The following STRN3 variants were observed in gnomAD, a reference collection of about 807,000 sequenced individuals.
The protein encoded by STRN3 is striatin-3.
A neutral mutation model predicts 95.6 loss-of-function variants in STRN3; 29 were observed. The observed-to-expected ratio is 0.30, with a 90% CI of 0.23 to 0.41. The LOEUF is 0.41. Among genes scored for constraint, STRN3 ranks in the 10% least tolerant of loss-of-function variants. The pLI is 1.00. For synonymous variants in STRN3, 331 were observed against 357.6 expected (o/e 0.93, Z 0.84); for missense variants, 890 against 972.1 (o/e 0.92, Z 1.12).
At chr14:30,969,651 T>C (rs1334250407) in intron 1 of STRN3, among the ~76,000 whole-genome samples, 1 of 152,160 alleles carries the variant, frequency 6.6e-6, no homozygotes, top group Non-Finnish European at 1.5e-5. Flanking sequence ...AAGTAGGTGC[T>C]AAAGGAAATT....
At chr14:30,951,896 T>C (rs187035267) in intron 3 of STRN3, among the ~76,000 whole-genome samples, 119 of 152,218 alleles carry the variant, frequency 7.8e-4, no homozygotes, top group Non-Finnish European at 1.5e-3. Context: ...GGTGGGCAGA[T>C]CACTTGAGCA....
intron 1 of STRN3, among the ~76,000 whole-genome samples, chr14:30,958,949 C>T (rs566795143): frequency 1.1e-4 from 16 of 152,084 alleles, no homozygotes; most frequent in Non-Finnish European, 2.4e-4. Flanking sequence ...CAAAGCGGTA[C>T]TGAACAGACG....
At chr14:30,987,654 T>A (rs1048390652) in intron 1 of STRN3, among the ~76,000 whole-genome samples, 1 of 152,102 alleles carries the variant, frequency 6.6e-6, no homozygotes, top group Non-Finnish European at 1.5e-5. Context: ...AATAAAATAA[T>A]CAATATTTGC....
At position 30,951,084 on chromosome 14, in the gene STRN3, T is replaced by C. The variant is rs552243963; in HGVS notation, c.461-140A>G. On this transcript the variant is annotated intron_variant, in intron 3 of 17. Coordinates refer to ENST00000357479, the MANE Select transcript of STRN3 (RefSeq NM_001083893.2). ...GAAAAAATTAACTTTCATCTAAGTA[T>C]TAACTGTGGGTCACTCATTTTAAAT... 2.5e-5 allele frequency: 17 copies of C among 678,162 alleles called. No homozygotes were observed. The East Asian group carries it at 4.4e-4, about 17-fold the overall frequency. The allele number at this position is 678,162 out of a possible 1,614,324, so 42.0% of individuals were successfully genotyped here. A position where few individuals can be genotyped will look rare whatever the true frequency, so the allele number is the denominator to read the frequency against.
In STRN3 at chr14:30,906,863, C is replaced by A; in HGVS notation, c.1888+14G>T. On this transcript the variant is annotated intron_variant, in intron 14 of 17. Coordinates refer to ENST00000357479, the MANE Select transcript of STRN3 (RefSeq NM_001083893.2). ...AAAAAACTAACTTTTCTCACAGATG[C>A]AAAATTTACTTACTTTTATCTCCAT... 1 of 1,593,296 alleles carries A rather than the reference C, an allele frequency of 6.3e-7. No individual in the cohort carries two copies. Among genetic ancestry groups the A allele is most frequent in the Non-Finnish European group, 8.5e-7 (1 of 1,171,480 alleles).
At chr14:31,006,971 G>C (rs992398934) in intron 1 of STRN3, among the ~76,000 whole-genome samples, 5 of 152,164 alleles carry the variant, frequency 3.3e-5, no homozygotes, top group African/African-American at 1.2e-4. Context: ...CTGGGCAACA[G>C]AGTGAGACCC....
intron 1 of STRN3, among the ~76,000 whole-genome samples, chr14:30,966,793 A>G (rs1880534246): frequency 6.6e-6 from 1 of 152,078 alleles, no homozygotes; most frequent in Admixed American, 6.6e-5. Context: ...TTCCATAGCT[A>G]CCTCATATGG....
At chr14:30,928,400 A>AG (rs34222469) in intron 8 of STRN3, among the ~76,000 whole-genome samples, 29,742 of 152,128 alleles carry the variant, frequency 0.2, 3,470 homozygotes, top group Middle Eastern at 0.28. Context: ...TTAGACAAGC[A>AG]GGGGTCACTG....
intron 1 of STRN3, among the ~76,000 whole-genome samples, chr14:30,958,149 C>G (rs955479013): frequency 1.8e-4 from 27 of 151,990 alleles, no homozygotes; most frequent in African/African-American, 6.3e-4. Context: ...CCTGTTTGTA[C>G]CAAAAAATCA....
chr14:30,976,838 C>T (rs1052401520), intron 1 of STRN3, among the ~76,000 whole-genome samples: 2 of 152,230 alleles, frequency 1.3e-5, no homozygotes, highest in East Asian at 1.9e-4. Context: ...ACCTGTAATA[C>T]TAGCACTTTG....
chr14:30,907,083 A>C, intron 13 of STRN3, 39 bp from the exon 14 acceptor site: 4 of 1,589,410 alleles, frequency 2.5e-6, no homozygotes, highest in Non-Finnish European at 2.6e-6. Flanking sequence ...TAGGTAAAAG[A>C]AGTTTAAAAG....
chr14:30,910,936 G>C (rs775124110), intron 13 of STRN3, 105 bp downstream of exon 13: 1 of 1,245,786 alleles, frequency 8.0e-7, no homozygotes, highest in African/African-American at 1.5e-5. Flanking sequence ...AGAACTAAAT[G>C]AGGTGACTAA....
chr14:30,985,111 G>A (rs1881615577), intron 1 of STRN3, among the ~76,000 whole-genome samples: 1 of 151,586 alleles, frequency 6.6e-6, no homozygotes, highest in African/African-American at 2.4e-5. Flanking sequence ...GAGGTCAGGA[G>A]TTCAAGACCA....
chr14:30,899,666 A>G (rs998729254), intron 16 of STRN3, among the ~76,000 whole-genome samples: 8 of 151,896 alleles, frequency 5.3e-5, no homozygotes, highest in African/African-American at 1.9e-4. Context: ...ACTTCCTACT[A>G]CCACTTCCTT....
intron 1 of STRN3, among the ~76,000 whole-genome samples, chr14:30,982,794 C>T (rs574674312): frequency 6.6e-6 from 1 of 152,084 alleles, no homozygotes; most frequent in East Asian, 1.9e-4. Flanking sequence ...TAGATACAGT[C>T]TCGTTATGTT....
At chr14:30,900,534 A>T in intron 16 of STRN3, among the ~76,000 whole-genome samples, 1 of 151,224 alleles carries the variant, frequency 6.6e-6, no homozygotes, top group Non-Finnish European at 1.5e-5. Context: ...AGATCACTTG[A>T]GCCCAGGAGT....
At chr14:30,959,309 C>T (rs898627787) in intron 1 of STRN3, among the ~76,000 whole-genome samples, 1 of 152,068 alleles carries the variant, frequency 6.6e-6, no homozygotes, top group East Asian at 1.9e-4. Flanking sequence ...AGCGACAGAG[C>T]AAGACCCTGA....
At chr14:30,958,549 G>A (rs1022006509) in intron 1 of STRN3, among the ~76,000 whole-genome samples, 2 of 152,256 alleles carry the variant, frequency 1.3e-5, no homozygotes, top group South Asian at 2.1e-4. Context: ...TGTGTTGGCT[G>A]TTTGTTGTTG....
intron 5 of STRN3, among the ~76,000 whole-genome samples, chr14:30,945,753 C>A (rs1879330975): frequency 6.6e-6 from 1 of 152,094 alleles, no homozygotes; most frequent in African/African-American, 2.4e-5. Flanking sequence ...GTGAAAGAAG[C>A]CACTTACAGA....
Sources: allele counts gnomAD v4.1 joint callset (sites outside exome capture counted in the v4.1 genomes callset), GRCh38; gene constraint gnomAD v4.1.1; transcripts MANE v1.5; gene names NCBI Gene and HGNC (gene_info 2026-07-23, HGNC 2026-07-21).